Variants in SPPL2A observed in about 807,000 individuals in gnomAD.
SPPL2A encodes signal peptide peptidase-like 2A.
SPPL2A carries 51 observed loss-of-function variants against 63.8 expected under a neutral mutation model. The ratio of observed to expected loss-of-function variants is 0.80; its 90% CI spans 0.64 to 1.01. The LOEUF is 1.01. Ranked by LOEUF, SPPL2A falls within the 50% of genes least tolerant of loss-of-function variation. SPPL2A has a pLI of 0.00. For synonymous variants in SPPL2A, 188 were observed against 205.8 expected (o/e 0.91, Z 0.74); for missense variants, 553 against 622.7 (o/e 0.89, Z 1.19).
chr15:50,731,405 G>C (rs748046752), intron 9 of SPPL2A, among the ~76,000 whole-genome samples: 9 of 151,876 alleles, frequency 5.9e-5, no homozygotes, highest in South Asian at 2.1e-4. Context: ...AATTAGCCGG[G>C]CATGGTGGCA....
At chr15:50,731,596 G>T (rs993133857) in intron 9 of SPPL2A, among the ~76,000 whole-genome samples, 1 of 151,542 alleles carries the variant, frequency 6.6e-6, no homozygotes, top group African/African-American at 2.4e-5. Context: ...TCATGTTAAA[G>T]ATTTTATGAA....
chr15:50,754,988 A>C (rs2062943297), intron 1 of SPPL2A, among the ~76,000 whole-genome samples: 1 of 150,224 alleles, frequency 6.7e-6, no homozygotes, highest in East Asian at 2.0e-4. Context: ...GTCTCAAAAA[A>C]CAGAAACGAA....
chr15:50,725,446 GTCT>G, intron 11 of SPPL2A, 123 bp from the exon 12 acceptor site: 1 of 621,790 alleles, frequency 1.6e-6, no homozygotes. Context: ...TGGAGACAGA[GTCT>G]CGCTCTGTCG....
rs1438301391 is a variant in SPPL2A, at chr15:50,704,911, G to A, written c.*2889C>T. On this transcript the variant is annotated 3_prime_UTR_variant, in exon 15 of 15. Transcript: ENST00000261854. ...CCTTAATAACTAATGGTTAGATAAA[G>A]TAGAATTTGTATCAAGTAACTCGGA... 1 of 152,170 alleles carries A rather than the reference G, an allele frequency of 6.6e-6. No homozygotes were observed. Among genetic ancestry groups the A allele is most frequent in the Non-Finnish European group, 1.5e-5 (1 of 68,034 alleles). The allele number at this position is 152,170 out of a possible 1,614,324, so 9.4% of individuals were successfully genotyped here.
At position 50,765,583 on chromosome 15, in the gene SPPL2A, G is replaced by A. The variant is rs914939833; in HGVS notation, c.-50C>T. Reference sequence around the variant, plus strand: ...CGGCACGGTGCGGCGCAGCTCACTCGGCGGGGTAGGCTCGGAGTCCCGCCG... The same window carrying A: ...CGGCACGGTGCGGCGCAGCTCACTCAGCGGGGTAGGCTCGGAGTCCCGCCG... On this transcript the variant is annotated 5_prime_UTR_variant, in exon 1 of 15. Coordinates refer to ENST00000261854, the MANE Select transcript of SPPL2A (RefSeq NM_032802.4). The A allele has an allele frequency of 4.7e-6, 6 of 1,267,448 alleles. No homozygotes were observed. Among genetic ancestry groups the A allele is most frequent in the Non-Finnish European group, 6.1e-6 (6 of 980,494 alleles). The allele number at this position is 1,267,448 out of a possible 1,614,324, so 78.5% of individuals were successfully genotyped here.
chr15:50,749,838 C>A, intron 1 of SPPL2A, 92 bp from the exon 2 acceptor site: 2 of 773,430 alleles, frequency 2.6e-6, no homozygotes, highest in South Asian at 2.9e-5. Flanking sequence ...CAGGGTTGAT[C>A]ACATTTCCTT....
intron 11 of SPPL2A, chr15:50,725,905 C>CT (rs906480961): frequency 8.1e-3 from 2,413 of 297,896 alleles, no homozygotes; most frequent in South Asian, 0.014. Context: ...CACATTTAAC[C>CT]TTTTTTTTTT....
At position 50,754,786 on chromosome 15, in the gene SPPL2A, C is replaced by G. The variant is rs1360846313; in HGVS notation, c.67-5040G>C. On this transcript the variant is annotated intron_variant, in intron 1 of 14. Transcript: ENST00000261854. ...TCAACTGAGGTCGGGTGTTTGAGAC[C>G]AGCCTGACCAACATGGAGAAACCCT... Among the ~76,000 whole-genome samples, 8 of 151,920 alleles carry G rather than the reference C, an allele frequency of 5.3e-5. No individual in the cohort carries two copies. In the East Asian group the frequency reaches 1.6e-3, roughly 30 times the overall value.
At position 50,765,484 on chromosome 15, in the gene SPPL2A, C is replaced by T. The variant is rs1367835263; in HGVS notation, c.50G>A (p.Gly17Asp). The T allele has an allele frequency of 2.0e-6, 3 of 1,504,198 alleles. No homozygotes were observed. Among genetic ancestry groups the T allele is most frequent in the Non-Finnish European group, 2.6e-6 (3 of 1,134,026 alleles). 93.2% of individuals were successfully genotyped at this position (1,504,198 alleles called of 1,614,324 possible). The change falls in exon 1 of 15, where the codon GGC becomes GAC. Residue 17 changes from glycine (G) to aspartate (D), a missense_variant. By Grantham distance (94) the Gly-to-Asp change is moderately conservative. Transcript: ENST00000261854. ...CCCCCTTACCAGCTGGAGCAGGAAG[C>T]CCCAGAGTAGGGCGGCCCCGGCAGG... ...LSPAGAALLW[G>D]FLLQLTAAQE...
intron 13 of SPPL2A, 116 bp from the exon 14 acceptor site, chr15:50,720,216 ACTT>A (rs2062633931): frequency 1.4e-6 from 1 of 738,138 alleles, no homozygotes; most frequent in Non-Finnish European, 2.1e-6. Context: ...TTGCTCTATG[ACTT>A]CTTGTAATTT....
chr15:50,762,796 G>A (rs7162363), intron 1 of SPPL2A, among the ~76,000 whole-genome samples: 14,120 of 149,120 alleles, frequency 0.095, 2,255 homozygotes, highest in African/African-American at 0.33. Flanking sequence ...GCAGTGGCAC[G>A]ATCTTGGCTT....
chr15:50,752,411 G>A (rs191362227), intron 1 of SPPL2A, among the ~76,000 whole-genome samples: 11 of 151,728 alleles, frequency 7.2e-5, no homozygotes, highest in Admixed American at 3.3e-4. Context: ...GCAAAACCCC[G>A]TCTCTACTAA....
intron 12 of SPPL2A, among the ~76,000 whole-genome samples, chr15:50,723,719 A>G (rs1416443186): frequency 6.6e-6 from 1 of 152,070 alleles, no homozygotes; most frequent in Non-Finnish European, 1.5e-5. Context: ...CAAGTGATCT[A>G]CCTGCCTCAG....
intron 6 of SPPL2A, among the ~76,000 whole-genome samples, chr15:50,737,376 T>G (rs1269759779): frequency 6.6e-6 from 1 of 152,248 alleles, no homozygotes; most frequent in African/African-American, 2.4e-5. Context: ...TAAAATCACC[T>G]GTTTGATGCC....
Position 50,748,871 on chromosome 15 carries a change from C to G in SPPL2A, c.178-1G>C. On this transcript the variant is annotated splice_acceptor_variant, in intron 2 of 14. Coordinates refer to ENST00000261854, the MANE Select transcript of SPPL2A (RefSeq NM_032802.4). LOFTEE classifies it high-confidence loss of function. ...TCAGATTCATCAAACTAATGGAAGT[C>G]TGAAAATAAGAAATGTCTTTTTAAC... 1.3e-6 allele frequency: 2 copies of G among 1,556,174 alleles called. No homozygotes were observed. The highest frequency in any genetic ancestry group is 1.7e-6 in the Non-Finnish European group (2 of 1,153,026).
chr15:50,716,814 A>T (rs1475008004), intron 14 of SPPL2A, among the ~76,000 whole-genome samples: 2 of 151,236 alleles, frequency 1.3e-5, no homozygotes, highest in Admixed American at 6.6e-5. Context: ...TACATTCTCA[A>T]CTCTTTATTC....
chr15:50,725,258 A>G lies in SPPL2A; in HGVS notation c.1212T>C (p.Pro404=), dbSNP rs767169143. 1.2e-5 allele frequency: 19 copies of G among 1,607,558 alleles called. No homozygotes were observed. Among genetic ancestry groups the G allele is most frequent in the Non-Finnish European group, 1.4e-5 (17 of 1,175,894 alleles). The change falls in exon 12 of 15, where the codon CCT becomes CCC. Residue 404 remains proline (P), a synonymous_variant. Coordinates refer to ENST00000261854, the MANE Select transcript of SPPL2A (RefSeq NM_032802.4). ...YFSVMSVCLM[P]VSILGFGDII... ...TGTCTCCAAAACCCAATATTGAAAC[A>G]GGCATGAGGCACACACTCATTACTG...
At chr15:50,755,931 A>T (rs1296671436) in intron 1 of SPPL2A, among the ~76,000 whole-genome samples, 1 of 151,964 alleles carries the variant, frequency 6.6e-6, no homozygotes, top group Non-Finnish European at 1.5e-5. Flanking sequence ...GATATTCTGC[A>T]TTTCTAATAA....
intron 13 of SPPL2A, 83 bp downstream of exon 13, chr15:50,722,041 A>C (rs1359724593): frequency 1.3e-6 from 1 of 776,938 alleles, no homozygotes; most frequent in Admixed American, 2.0e-5. Flanking sequence ...CCCAAACTGT[A>C]CTCCTTCTTT....
Sources: allele counts gnomAD v4.1 joint callset (sites outside exome capture counted in the v4.1 genomes callset), GRCh38; gene constraint gnomAD v4.1.1; transcripts MANE v1.5; gene names NCBI Gene and HGNC (gene_info 2026-07-23, HGNC 2026-07-21).